The following FBXL4 variants were observed in gnomAD, a reference collection of about 807,000 sequenced individuals.
The protein encoded by FBXL4 is F-box and leucine rich repeat protein 4.
FBXL4 carries 40 observed loss-of-function variants against 58.9 expected under a neutral mutation model. That is an observed-to-expected ratio of 0.68 (90% CI 0.53 to 0.88). FBXL4 has a LOEUF of 0.88. Among genes scored for constraint, FBXL4 ranks in the 40% least tolerant of loss-of-function variants. FBXL4 has a pLI of 0.00. For missense variants in FBXL4, 676 were observed against 734.4 expected (o/e 0.92, Z 0.92); for synonymous variants, 263 against 265.5 (o/e 0.99, Z 0.09).
intron 7 of FBXL4, chr6:98,898,209 G>A (rs1350512479): frequency 1.2e-6 from 1 of 807,104 alleles, no homozygotes; most frequent in Non-Finnish European, 1.5e-6. Flanking sequence ...ATTCCAGACA[G>A]GCAAAAAAAC....
rs115410136 is a variant in FBXL4, at chr6:98,877,166, A to G, written c.1390-1439T>C. Among the ~76,000 whole-genome samples, 681 of 152,242 alleles carry G rather than the reference A, an allele frequency of 4.5e-3. 6 individuals are homozygous for G. The highest frequency in any genetic ancestry group is 0.015 in the African/African-American group (637 of 41,540). On this transcript the variant is annotated intron_variant, in intron 8 of 9. Coordinates refer to ENST00000369244, the MANE Select transcript of FBXL4 (RefSeq NM_001278716.2). ...GGCTGACAGATTAGATATAGAGGTA[A>G]TGATTTCTAAGGTTCTGGATGTCAG...
chr6:98,943,967 T>C (rs755095396), intron 1 of FBXL4, among the ~76,000 whole-genome samples: 3 of 152,382 alleles, frequency 2.0e-5, no homozygotes, highest in Non-Finnish European at 2.9e-5. Context: ...CTTACTAATT[T>C]GTTGGCTTTG....
At chr6:98,937,378 A>G (rs2128411134) in intron 1 of FBXL4, among the ~76,000 whole-genome samples, 1 of 152,358 alleles carries the variant, frequency 6.6e-6, no homozygotes, top group South Asian at 2.1e-4. Flanking sequence ...CAGAAGGCTT[A>G]CCAATAACAT....
chr6:98,936,605 TTC>T (rs1773228206), intron 1 of FBXL4, among the ~76,000 whole-genome samples: 1 of 152,224 alleles, frequency 6.6e-6, no homozygotes, highest in African/African-American at 2.4e-5. Flanking sequence ...TAAATATATT[TTC>T]TTTTCCTCAT....
At position 98,899,472 on chromosome 6, in the gene FBXL4, C is replaced by G. The variant is rs746492456; in HGVS notation, c.1113G>C (p.Lys371Asn). ...ISVAGFSRFL[K>N]VCGSELVRLE... ...GGCGTACTAATTCGGATCCACAAACCTTCAGAAACCTGCCAAAACAACATT... is the reference window on the plus strand; with the variant it reads ...GGCGTACTAATTCGGATCCACAAACGTTCAGAAACCTGCCAAAACAACATT... Residue 371 changes from lysine to asparagine, a missense_variant, in exon 7 of 10, where the codon AAG becomes AAC. Physicochemically the swap from Lys to Asn is moderately conservative, Grantham distance 94. Transcript: ENST00000369244. 14 of 1,611,934 alleles carry G rather than the reference C, an allele frequency of 8.7e-6. No homozygotes were observed. The highest frequency in any genetic ancestry group is 1.2e-5 in the Non-Finnish European group (14 of 1,178,964).
At chr6:98,891,466 T>G (rs1297864709) in intron 7 of FBXL4, among the ~76,000 whole-genome samples, 1 of 152,210 alleles carries the variant, frequency 6.6e-6, no homozygotes, top group Non-Finnish European at 1.5e-5. Context: ...CAGTCTCATT[T>G]TGAAGCCTAT....
At chr6:98,942,667 G>A (rs1460255851) in intron 1 of FBXL4, among the ~76,000 whole-genome samples, 1 of 152,036 alleles carries the variant, frequency 6.6e-6, no homozygotes, top group Non-Finnish European at 1.5e-5. Flanking sequence ...TACAGCCTGT[G>A]GAACTGTGAG....
intron 4 of FBXL4, among the ~76,000 whole-genome samples, chr6:98,923,676 C>T (rs1259151688): frequency 6.6e-6 from 1 of 152,110 alleles, no homozygotes; most frequent in Non-Finnish European, 1.5e-5. Flanking sequence ...TCTAGGCTGG[C>T]CTGTAAGCTC....
intron 7 of FBXL4, among the ~76,000 whole-genome samples, chr6:98,893,746 A>C (rs1771313655): frequency 6.6e-6 from 1 of 152,220 alleles, no homozygotes; most frequent in South Asian, 2.1e-4. Context: ...TCACTAAAAC[A>C]ATTATGCATA....
chr6:98,944,185 C>A (rs866685416), intron 1 of FBXL4, among the ~76,000 whole-genome samples: 2 of 152,106 alleles, frequency 1.3e-5, no homozygotes, highest in African/African-American at 4.8e-5. Context: ...TAATAATCTT[C>A]CGGTGGAAAC....
intron 1 of FBXL4, among the ~76,000 whole-genome samples, chr6:98,941,696 T>A (rs1170570464): frequency 6.6e-6 from 1 of 152,162 alleles, no homozygotes; most frequent in Non-Finnish European, 1.5e-5. Context: ...AACAGAATAG[T>A]GACCTTCATG....
At position 98,875,460 on chromosome 6, in the gene FBXL4, C is replaced by A; in HGVS notation, c.1657G>T (p.Glu553Ter). The change falls in exon 9 of 10, where the codon GAA becomes TAA. Residue 553 changes from glutamate to a stop codon, truncating the protein, a stop_gained. Transcript: ENST00000369244. LOFTEE classifies it high-confidence loss of function. ...AACCTGGTACAATTACATGCCAATTCATCAATGTCTGTGTCACACACAGAT... is the reference window on the plus strand; with the variant it reads ...AACCTGGTACAATTACATGCCAATTAATCAATGTCTGTGTCACACACAGAT... ...NRSVCDTDID[E>*]LACNCTRLQQ... is the part of the protein sequence containing the mutation. The A allele has an allele frequency of 1.9e-6, 3 of 1,614,082 alleles. No individual in the cohort carries two copies. The highest frequency in any genetic ancestry group is 2.2e-5 in the East Asian group (1 of 44,884).
intron 2 of FBXL4, among the ~76,000 whole-genome samples, chr6:98,930,483 T>C (rs991659161): frequency 6.6e-6 from 1 of 152,168 alleles, no homozygotes; most frequent in African/African-American, 2.4e-5. Flanking sequence ...TGCTCATGAG[T>C]CAATGAACCA....
At chr6:98,925,201 T>G (rs1317681889) in intron 4 of FBXL4, among the ~76,000 whole-genome samples, 1 of 152,212 alleles carries the variant, frequency 6.6e-6, no homozygotes, top group Non-Finnish European at 1.5e-5. Flanking sequence ...TAACATGAGA[T>G]AACATTTTTC....
In FBXL4 at chr6:98,869,769, A is replaced by G. The variant is rs779502540; in HGVS notation, c.*4509T>C. 3.3e-5 allele frequency: 5 copies of G among 152,218 alleles called. No individual in the cohort carries two copies. The highest frequency in any genetic ancestry group is 7.3e-5 in the Non-Finnish European group (5 of 68,028). The allele number at this position is 152,218 out of a possible 1,614,324, so 9.4% of individuals were successfully genotyped here. On this transcript the variant is annotated 3_prime_UTR_variant, in exon 10 of 10. Coordinates refer to ENST00000369244, the MANE Select transcript of FBXL4 (RefSeq NM_001278716.2). ...CTTCAGTTAATTCCTGGGAAATGCC[A>G]AAAATAAAAATACTGCCACAGAGAA...
chr6:98,931,891 T>C (rs983374085), intron 2 of FBXL4, among the ~76,000 whole-genome samples: 1 of 152,232 alleles, frequency 6.6e-6, no homozygotes, highest in African/African-American at 2.4e-5. Context: ...GAAGTCCAAA[T>C]TGTCCAGGCG....
At chr6:98,911,941 A>G (rs371960054) in intron 5 of FBXL4, among the ~76,000 whole-genome samples, 15 of 152,170 alleles carry the variant, frequency 9.9e-5, no homozygotes, top group African/African-American at 3.6e-4. Context: ...AAATTTAGAC[A>G]AATGTATAAC....
At chr6:98,936,548 A>T (rs1773225862) in intron 1 of FBXL4, among the ~76,000 whole-genome samples, 2 of 152,326 alleles carry the variant, frequency 1.3e-5, no homozygotes, top group South Asian at 2.1e-4. Flanking sequence ...CATGACGACA[A>T]TGAGGATGAA....
rs185516603 is a variant in FBXL4 at position 98,889,482 on chromosome 6, G to C, written c.1318-8858C>G. On this transcript the variant is annotated intron_variant, in intron 7 of 9. Coordinates refer to ENST00000369244, the MANE Select transcript of FBXL4 (RefSeq NM_001278716.2). Reference sequence around the variant, plus strand: ...AGATCACTTGAGCTCAGGAGTTTGAGACCAGCCTGGGAACATGGCAAAACC... The same window carrying C: ...AGATCACTTGAGCTCAGGAGTTTGACACCAGCCTGGGAACATGGCAAAACC... Among the ~76,000 whole-genome samples the C allele has an allele frequency of 2.2e-4, 33 of 152,146 alleles. No homozygotes were observed. In the East Asian group the frequency reaches 3.3e-3, roughly 15 times the overall value.
Sources: allele counts gnomAD v4.1 joint callset (sites outside exome capture counted in the v4.1 genomes callset), GRCh38; gene constraint gnomAD v4.1.1; transcripts MANE v1.5; gene names NCBI Gene and HGNC (gene_info 2026-07-23, HGNC 2026-07-21).